The following FAT3 variants were observed in gnomAD, a reference collection of about 807,000 sequenced individuals.
The protein encoded by FAT3 is protocadherin Fat 3.
A neutral mutation model predicts 310.2 loss-of-function variants in FAT3; 95 were observed. The observed-to-expected ratio is 0.31, with a 90% CI of 0.26 to 0.36. The LOEUF is 0.36. Ranked by LOEUF, FAT3 falls within the 10% of genes least tolerant of loss-of-function variation. FAT3 has a pLI of 1.00. For missense variants in FAT3, 5,408 were observed against 5,715.6 expected, an observed-to-expected ratio of 0.95 and a Z score of 1.74; for synonymous variants, 2,314 against 2,192.9, an observed-to-expected ratio of 1.06 and a Z score of -1.54.
At chr11:92,697,237 C>A (rs1943969677) in intron 3 of FAT3, 147 bp from the exon 4 acceptor site, 2 of 562,270 alleles carry the variant, frequency 3.6e-6, no homozygotes, top group East Asian at 3.0e-5. Flanking sequence ...AAGAATAATT[C>A]TTGAGACCAT....
chr11:92,501,087 C>T (rs1411970546), intron 2 of FAT3, among the ~76,000 whole-genome samples: 1 of 151,928 alleles, frequency 6.6e-6, no homozygotes, highest in East Asian at 1.9e-4. Context: ...GGAATTGCTC[C>T]AAAATTAAGG....
intron 1 of FAT3, among the ~76,000 whole-genome samples, chr11:92,312,626 G>GA (rs1003632530): frequency 2.6e-5 from 4 of 152,196 alleles, no homozygotes; most frequent in Non-Finnish European, 4.4e-5. Context: ...TATATGGAGA[G>GA]AACCCAGCAA....
At chr11:92,841,620 T>C (rs1372537744) in intron 18 of FAT3, among the ~76,000 whole-genome samples, 1 of 152,156 alleles carries the variant, frequency 6.6e-6, no homozygotes, top group Admixed American at 6.5e-5. Context: ...TATCACAGGG[T>C]AGTACTCAAG....
intron 3 of FAT3, among the ~76,000 whole-genome samples, chr11:92,624,047 G>A (rs1326824251): frequency 6.6e-6 from 1 of 152,142 alleles, no homozygotes; most frequent in East Asian, 1.9e-4. Flanking sequence ...TGGATACATA[G>A]ACAAACAAAA....
chr11:92,520,553 T>C (rs914022655), intron 2 of FAT3, among the ~76,000 whole-genome samples: 5 of 152,068 alleles, frequency 3.3e-5, no homozygotes, highest in African/African-American at 1.2e-4. Flanking sequence ...GCCCTCAAGA[T>C]GTGATTTTGG....
chr11:92,293,056 GGAAGGAAGGAAGGAAGGAAGGAAA>G lies in FAT3; in HGVS notation c.-17-59020_-17-58997del, dbSNP rs1272803968. 7.4e-3 allele frequency among the ~76,000 whole-genome samples: 1,045 copies of G among 140,436 alleles called. 19 individuals are homozygous for G. The highest frequency in any genetic ancestry group is 0.027 in the African/African-American group (938 of 34,416). 92.1% of individuals were successfully genotyped at this position (140,436 alleles called of 152,430 possible). A position where few individuals can be genotyped will look rare whatever the true frequency, so the allele number is the denominator to read the frequency against. On this transcript the variant is annotated intron_variant, in intron 1 of 27. Coordinates refer to ENST00000525166, the MANE Select transcript of FAT3 (RefSeq NM_001367949.2). ...AGGAAGGAAGGAAGGAAGGAAGGAAGGAAGGAAGGAAGGAAGGAAGGAAAGAAGGAAGGAAGGAAGGAAAGGAAG... is the reference window on the plus strand; with the variant it reads ...AGGAAGGAAGGAAGGAAGGAAGGAAGGAAGGAAGGAAGGAAGGAAAGGAAG...
chr11:92,411,942 T>G (rs573295100), intron 2 of FAT3, among the ~76,000 whole-genome samples: 2 of 152,184 alleles, frequency 1.3e-5, no homozygotes, highest in South Asian at 2.1e-4. Context: ...CCTTTTCTCT[T>G]ACATTCCAAC....
Position 92,857,224 on chromosome 11 carries a change from T to C in FAT3, c.11376T>C (p.Cys3792=), listed in dbSNP as rs1198218682. ...NVRCTCNGGL[C]PGSNDPCVEK... ...CCACCTTTGTCACAGGAGGACTGTG[T>C]CCGGGGTCCAACGATCCTTGTGTGG... Residue 3792 remains cysteine, a synonymous_variant, in exon 20 of 28, where the codon TGT becomes TGC. Coordinates refer to ENST00000525166, the MANE Select transcript of FAT3 (RefSeq NM_001367949.2). 6.2e-7 allele frequency: 1 copy of C among 1,613,964 alleles called. No homozygotes were observed. The highest frequency in any genetic ancestry group is 1.1e-5 in the South Asian group (1 of 91,078).
chr11:92,866,249 A>G (rs1340695368), intron 21 of FAT3, among the ~76,000 whole-genome samples: 1 of 152,152 alleles, frequency 6.6e-6, no homozygotes, highest in East Asian at 1.9e-4. Flanking sequence ...CCTACCCTAC[A>G]GACTGTCAGC....
intron 3 of FAT3, among the ~76,000 whole-genome samples, chr11:92,608,029 A>G (rs1027676627): frequency 6.6e-6 from 1 of 152,074 alleles, no homozygotes; most frequent in African/African-American, 2.4e-5. Flanking sequence ...ATGAAATACT[A>G]CAAATACCAT....
Position 92,802,055 on chromosome 11 carries a change from A to G in FAT3, c.8896+146A>G, listed in dbSNP as rs1947375379. The G allele has an allele frequency of 8.5e-6, 7 of 820,262 alleles. No homozygotes were observed. The South Asian group carries it at 1.4e-4, about 16-fold the overall frequency. 50.8% of individuals were successfully genotyped at this position (820,262 alleles called of 1,614,324 possible). A position where few individuals can be genotyped will look rare whatever the true frequency, so the allele number is the denominator to read the frequency against. On this transcript the variant is annotated intron_variant, in intron 10 of 27. Coordinates refer to ENST00000525166, the MANE Select transcript of FAT3 (RefSeq NM_001367949.2). Reference sequence around the variant, plus strand: ...TCTGGAGCTGAGTAAAGGATCTCTGAGCAGACTGCGTTTTTTGCTTGTTGG... The same window carrying G: ...TCTGGAGCTGAGTAAAGGATCTCTGGGCAGACTGCGTTTTTTGCTTGTTGG...
chr11:92,642,086 G>A (rs886622253), intron 3 of FAT3, among the ~76,000 whole-genome samples: 1 of 152,180 alleles, frequency 6.6e-6, no homozygotes, highest in Non-Finnish European at 1.5e-5. Flanking sequence ...GTCATGAAAT[G>A]CATGTATCTG....
rs748130533 is a variant in FAT3 at position 92,764,988 on chromosome 11, C to A, written c.4094C>A (p.Pro1365Gln). ...PSPIPLTFDE[P>Q]FYNFTVMESD... Reference sequence around the variant, plus strand: ...CCTATACCATTGACCTTCGATGAGCCGTTTTATAACTTCACAGTCATGGAA... The same window carrying A: ...CCTATACCATTGACCTTCGATGAGCAGTTTTATAACTTCACAGTCATGGAA... The change falls in exon 6 of 28, where the codon CCG becomes CAG. Residue 1365 changes from proline to glutamine, a missense_variant. Around this residue, in one of 5 missense-constraint regions of FAT3, gnomAD observed 4,588 missense variants for 4,809.8 expected, o/e 0.95. Transcript: ENST00000525166. 4 of 1,613,694 alleles carry A rather than the reference C, an allele frequency of 2.5e-6. No individual in the cohort carries two copies. In the East Asian group the frequency reaches 8.9e-5, roughly 36 times the overall value.
At chr11:92,578,876 A>T (rs1938632552) in intron 3 of FAT3, among the ~76,000 whole-genome samples, 1 of 152,008 alleles carries the variant, frequency 6.6e-6, no homozygotes. Flanking sequence ...CTAATATATC[A>T]TAAAAAAAAT....
At chr11:92,762,833 C>A (rs1417292152) in intron 5 of FAT3, among the ~76,000 whole-genome samples, 1 of 152,116 alleles carries the variant, frequency 6.6e-6, no homozygotes, top group Non-Finnish European at 1.5e-5. Flanking sequence ...TCCAGAAAGG[C>A]AGCTGGTATC....
chr11:92,424,681 T>C (rs1273355392), intron 2 of FAT3, among the ~76,000 whole-genome samples: 1 of 152,160 alleles, frequency 6.6e-6, no homozygotes, highest in African/African-American at 2.4e-5. Flanking sequence ...ATTTCCATGC[T>C]GAAAAATGTC....
At position 92,514,138 on chromosome 11, in the gene FAT3, A is replaced by T. The variant is rs545126311; in HGVS notation, c.3293-10496A>T. Among the ~76,000 whole-genome samples, 3 of 152,324 alleles carry T rather than the reference A, an allele frequency of 2.0e-5. No homozygotes were observed. In the South Asian group the frequency reaches 6.2e-4, roughly 32 times the overall value. On this transcript the variant is annotated intron_variant, in intron 2 of 27. Transcript: ENST00000525166. ...TTGTGAATAAAAATTAATTAAAACAAATATGTGTTTCATGCTGGAATTAAA... is the reference window on the plus strand; with the variant it reads ...TTGTGAATAAAAATTAATTAAAACATATATGTGTTTCATGCTGGAATTAAA...
intron 13 of FAT3, among the ~76,000 whole-genome samples, chr11:92,829,414 T>C (rs1271664748): frequency 3.3e-5 from 5 of 152,204 alleles, no homozygotes; most frequent in Non-Finnish European, 7.3e-5. Flanking sequence ...CAATCGCTGA[T>C]GTGTTTCCAT....
chr11:92,624,941 A>G (rs1444852733), intron 3 of FAT3, among the ~76,000 whole-genome samples: 3 of 152,172 alleles, frequency 2.0e-5, no homozygotes, highest in African/African-American at 4.8e-5. Flanking sequence ...ACCTTCCTCT[A>G]TGCATTTCTG....
Sources: allele counts gnomAD v4.1 joint callset (sites outside exome capture counted in the v4.1 genomes callset), GRCh38; gene constraint gnomAD v4.1.1; regional missense constraint gnomAD v4.1.1; transcripts MANE v1.5; gene names NCBI Gene and HGNC (gene_info 2026-07-23, HGNC 2026-07-21).